UPK3B: variants seen among roughly 807,000 people sequenced by gnomAD.
UPK3B encodes uroplakin 3B, also known as uroplakin-3b.
UPK3B carries 21 observed loss-of-function variants against 27.6 expected under a neutral mutation model. The observed-to-expected ratio is 0.76, with a 90% CI of 0.54 to 1.10. The LOEUF (loss-of-function observed/expected upper bound fraction) is 1.10, where lower values mean the gene tolerates loss of function less well. UPK3B is among the 50% of genes least tolerant of loss of function. The pLI, the probability that UPK3B is intolerant of heterozygous loss-of-function variation, is 0.00. For synonymous variants in UPK3B, 141 were observed against 162.3 expected, an observed-to-expected ratio of 0.87 and a Z score of 1.00; for missense variants, 306 against 376.1, an observed-to-expected ratio of 0.81 and a Z score of 1.54.
intron 4 of UPK3B, among the ~76,000 whole-genome samples, chr7:76,513,724 AAGGT>A (rs1479531998): frequency 6.6e-6 from 1 of 151,358 alleles, no homozygotes; most frequent in Non-Finnish European, 1.5e-5. Context: ...AGCAGCCTAG[AAGGT>A]AGGAGCAGGG....
Position 76,513,205 on chromosome 7 carries a change from G to A in UPK3B, c.541+42G>A, listed in dbSNP as rs779237251. The stretch of plus-strand genomic sequence containing the variant: ...GGGGCGCTGCCCCCAGTGGACTCAC[G>A]ATCTCTCTGGGCCGCCTCTGCTGAG... On this transcript the variant is annotated intron_variant, in intron 4 of 5. Transcript: ENST00000334348. 4 of 1,579,928 alleles carry A rather than the reference G, an allele frequency of 2.5e-6. 1 individual carries two copies. The highest frequency in any genetic ancestry group is 8.7e-7 in the Non-Finnish European group (1 of 1,152,568).
At chr7:76,513,337 C>A (rs1373863791) in intron 4 of UPK3B, among the ~76,000 whole-genome samples, 174 bp downstream of exon 4, 1 of 152,158 alleles carries the variant, frequency 6.6e-6, no homozygotes, top group Non-Finnish European at 1.5e-5. Context: ...ACCCAGCCAG[C>A]CCCCTCGGCA....
chr7:76,510,719 C>A lies in UPK3B; in HGVS notation c.67C>A (p.Arg23=), dbSNP rs773328550. Residue 23 remains arginine (R), a synonymous_variant, in exon 1 of 6, where the codon CGG becomes AGG. Transcript: ENST00000334348. ...QMLLLALNCL[R]PSLSLELVPY... ...GCTCCTCCTGGCGTTGAACTGTCTC[C>A]GGCCCAGCCTGAGCCTGGGTGAGTG... 1 of 1,518,504 alleles carries A rather than the reference C, an allele frequency of 6.6e-7. No individual in the cohort carries two copies. 94.1% of individuals were successfully genotyped at this position (1,518,504 alleles called of 1,614,324 possible). A position where few individuals can be genotyped will look rare whatever the true frequency, so the allele number is the denominator to read the frequency against.
rs373691768 is a variant in UPK3B, at chr7:76,515,858, A to G, written c.*654A>G. The G allele has an allele frequency of 9.8e-6, 6 of 611,078 alleles. 2 individuals are homozygous for G. In the East Asian group the frequency reaches 5.2e-4, roughly 53 times the overall value. The allele number at this position is 611,078 out of a possible 1,614,324, so 37.9% of individuals were successfully genotyped here. The stretch of plus-strand genomic sequence containing the variant: ...TTATTAAGCATCTGCTGTATGCTAC[A>G]TACAGTGTTAGACTTGGGGCTTCAG... On this transcript the variant is annotated 3_prime_UTR_variant, in exon 6 of 6. Transcript: ENST00000334348.
In UPK3B at chr7:76,510,893, G is replaced by A. The variant is rs150340826; in HGVS notation, c.86-10G>A. ...CTCCGTGGCTCACCTTTTGTCCCCC[G>A]TGGCCACAGAGCTGGTGCCCTACAC... is the stretch of plus-strand genomic sequence containing the variant. On this transcript the variant is annotated splice_polypyrimidine_tract_variant and intron_variant, in intron 1 of 5. Transcript: ENST00000334348. 3,235 of 1,593,856 alleles carry A rather than the reference G, an allele frequency of 2.0e-3. 9 individuals carry two copies. The highest frequency in any genetic ancestry group is 2.6e-3 in the Non-Finnish European group (2,989 of 1,171,410).
chr7:76,515,597 A>G lies in UPK3B; in HGVS notation c.*393A>G. 1.5e-6 allele frequency: 1 copy of G among 652,512 alleles called. No homozygotes were observed. The highest frequency in any genetic ancestry group is 1.8e-6 in the Non-Finnish European group (1 of 556,390). 40.4% of individuals were successfully genotyped at this position (652,512 alleles called of 1,614,324 possible). ...CCTGCAGAGGACTGTGCTTTGCCTG[A>G]TGCAGGGAGCTGGGCCCATCCTGGG... On this transcript the variant is annotated 3_prime_UTR_variant, in exon 6 of 6. Transcript: ENST00000334348.
Position 76,515,150 on chromosome 7 carries a change from A to C in UPK3B, c.777A>C (p.Thr259=). The C allele has an allele frequency of 2.5e-6, 4 of 1,598,874 alleles. No homozygotes were observed. The highest frequency in any genetic ancestry group is 3.4e-6 in the Non-Finnish European group (4 of 1,173,602). Residue 259 remains threonine (T), a synonymous_variant, in exon 6 of 6, where the codon ACA becomes ACC. Coordinates refer to ENST00000334348, the MANE Select transcript of UPK3B (RefSeq NM_001347684.2). ...ACATCCCACCCAGAGAGGCCGCCAC[A>C]CTGCCGGTGGGCTGCAAGCCTGGCC... ...THHIPPREAA[T]LPVGCKPGLD...
Position 76,515,450 on chromosome 7 carries a change from A to G in UPK3B, c.*246A>G. 2.3e-6 allele frequency: 2 copies of G among 876,530 alleles called. No individual in the cohort carries two copies. Among genetic ancestry groups the G allele is most frequent in the Admixed American group, 4.9e-5 (1 of 20,256 alleles). 54.3% of individuals were successfully genotyped at this position (876,530 alleles called of 1,614,324 possible). The stretch of plus-strand genomic sequence containing the variant: ...GAGGGTTTAGGGGAGGGCCATGGGC[A>G]GGCTGGATACCCAGTCCCCACCTCC... On this transcript the variant is annotated 3_prime_UTR_variant, in exon 6 of 6. Transcript: ENST00000334348.
Position 76,511,854 on chromosome 7 carries a change from G to C in UPK3B, c.433G>C (p.Ala145Pro), listed in dbSNP as rs200200225. 6.9e-7 allele frequency: 1 copy of C among 1,450,838 alleles called. No individual in the cohort carries two copies. 89.9% of individuals were successfully genotyped at this position (1,450,838 alleles called of 1,614,324 possible). A position where few individuals can be genotyped will look rare whatever the true frequency, so the allele number is the denominator to read the frequency against. ...HGCHQQPFCN[A>P]PLPGPGPYRV... ...CTGCCACCAGCAGCCCTTCTGCAAC[G>C]CGCCCCTCCCTGGCCCTGGACCCTA... The change falls in exon 3 of 6, where the codon GCG (alanine) becomes CCG (proline). Residue 145 changes from alanine (A) to proline (P), a missense_variant. Transcript: ENST00000334348.
Position 76,515,074 on chromosome 7 carries a change from C to G in UPK3B, c.701C>G (p.Pro234Arg). The G allele has an allele frequency of 5.0e-6, 8 of 1,596,344 alleles. No homozygotes were observed. Among genetic ancestry groups the G allele is most frequent in the Non-Finnish European group, 6.8e-6 (8 of 1,172,632 alleles). ...FSSLWWPEEA[P>R]EQLRIGSFMG... Reference sequence around the variant, plus strand: ...AGCCTGTGGTGGCCGGAGGAGGCCCCGGAGCAGCTGCGGATCGGCTCCTTC... The same window carrying G: ...AGCCTGTGGTGGCCGGAGGAGGCCCGGGAGCAGCTGCGGATCGGCTCCTTC... The change falls in exon 6 of 6, where the codon CCG (proline) becomes CGG (arginine). Residue 234 changes from proline to arginine, a missense_variant. Around this residue, in one of 4 missense-constraint regions of UPK3B, gnomAD observed 174 missense variants for 166.6 expected, o/e 1.04. Coordinates refer to ENST00000334348, the MANE Select transcript of UPK3B (RefSeq NM_001347684.2).
chr7:76,512,994 C>T (rs1584273626), intron 3 of UPK3B, 90 bp from the exon 4 acceptor site: 3 of 1,075,752 alleles, frequency 2.8e-6, no homozygotes, highest in East Asian at 5.1e-5. Context: ...ATGGGAGGGC[C>T]CCAGAGGAGC....
chr7:76,514,015 A>T lies in UPK3B; in HGVS notation c.610A>T (p.Ile204Phe). ...RSGSMIVITS[I>F]LSSLAGLLLL... ...TGGCAGCATGATCGTCATTACCTCC[A>T]TCCTCTCTTCTCTGGCCGGCCTCCT... Residue 204 changes from isoleucine (I) to phenylalanine (F), a missense_variant, in exon 5 of 6, where the codon ATC becomes TTC. Transcript: ENST00000334348. 1 of 1,613,842 alleles carries T rather than the reference A, an allele frequency of 6.2e-7. No individual in the cohort carries two copies. Among genetic ancestry groups the T allele is most frequent in the Non-Finnish European group, 8.5e-7 (1 of 1,179,924 alleles).
rs3972800 is a variant in UPK3B at position 76,514,905 on chromosome 7, CAAAAAAAA to C, written c.672-128_672-121del. 5,295 of 962,946 alleles carry C rather than the reference CAAAAAAAA, an allele frequency of 5.5e-3. 10 individuals are homozygous for C. The highest frequency in any genetic ancestry group is 0.01 in the Admixed American group (323 of 30,982). 59.7% of individuals were successfully genotyped at this position (962,946 alleles called of 1,614,324 possible). A position where few individuals can be genotyped will look rare whatever the true frequency, so the allele number is the denominator to read the frequency against. On this transcript the variant is annotated intron_variant, in intron 5 of 5. Transcript: ENST00000334348. ...TGGGTGACAGAGCCAGACTCCATCT[CAAAAAAAA>C]AAAAAAAAAAAGAAAAGAGAGAGAG... is the stretch of plus-strand genomic sequence containing the variant.
At chr7:76,511,314 CAAG>C (rs1812523477) in intron 2 of UPK3B, among the ~76,000 whole-genome samples, 1 of 152,062 alleles carries the variant, frequency 6.6e-6, no homozygotes, top group Admixed American at 6.6e-5. Context: ...TCTCTGAATC[CAAG>C]TAGTTCTTCC....
In UPK3B at chr7:76,513,940, T is replaced by C; in HGVS notation, c.542-7T>C. The C allele has an allele frequency of 6.2e-7, 1 of 1,613,060 alleles. No individual in the cohort carries two copies. The highest frequency in any genetic ancestry group is 8.5e-7 in the Non-Finnish European group (1 of 1,179,630). ...GCAGCCCCTCTGAGCAGCTGGTGTG[T>C]GTGCAGGGAAGACCCCCGGATCCAT... On this transcript the variant is annotated splice_region_variant and splice_polypyrimidine_tract_variant and intron_variant, in intron 4 of 5. Coordinates refer to ENST00000334348, the MANE Select transcript of UPK3B (RefSeq NM_001347684.2).
Position 76,513,027 on chromosome 7 carries a change from A to G in UPK3B, c.462-57A>G, listed in dbSNP as rs1812588796. On this transcript the variant is annotated intron_variant, in intron 3 of 5. Transcript: ENST00000334348. ...AGCTGCCTGGGGCTTGGCCCTGCCCAGGGTGGTCCCAGCCTCTGAAGCTCT... is the reference window on the plus strand; with the variant it reads ...AGCTGCCTGGGGCTTGGCCCTGCCCGGGGTGGTCCCAGCCTCTGAAGCTCT... 5 of 1,485,652 alleles carry G rather than the reference A, an allele frequency of 3.4e-6. No homozygotes were observed. In the African/African-American group the frequency reaches 5.5e-5, roughly 16 times the overall value. The allele number at this position is 1,485,652 out of a possible 1,614,324, so 92.0% of individuals were successfully genotyped here.
rs771497466 is a variant in UPK3B at position 76,515,063 on chromosome 7, G to A, written c.690G>A (p.Pro230=). 3.5e-5 allele frequency: 55 copies of A among 1,589,560 alleles called. No homozygotes were observed. Among genetic ancestry groups the A allele is most frequent in the Middle Eastern group, 3.3e-4 (2 of 6,048 alleles). ...CGCCCAGCTCCAGCCTGTGGTGGCCGGAGGAGGCCCCGGAGCAGCTGCGGA... is the reference window on the plus strand; with the variant it reads ...CGCCCAGCTCCAGCCTGTGGTGGCCAGAGGAGGCCCCGGAGCAGCTGCGGA... ...STMRFSSLWW[P]EEAPEQLRIG... is the part of the protein sequence containing the mutation. Residue 230 remains proline, a synonymous_variant, in exon 6 of 6, where the codon CCG becomes CCA. Transcript: ENST00000334348.
intron 5 of UPK3B, among the ~76,000 whole-genome samples, chr7:76,514,383 G>T (rs1157814122): frequency 1.3e-5 from 2 of 152,048 alleles, no homozygotes; most frequent in African/African-American, 2.4e-5. Context: ...GCACCTCAGG[G>T]GTCATTGATG....
chr7:76,512,624 C>T (rs1812573628), intron 3 of UPK3B, among the ~76,000 whole-genome samples: 1 of 135,806 alleles, frequency 7.4e-6, no homozygotes, highest in African/African-American at 2.6e-5. Flanking sequence ...CCTTGCAGAG[C>T]TCCCAGCCCT....
Sources: gnomAD v4.1 joint callset for allele counts (sites outside exome capture counted in the v4.1 genomes callset) on GRCh38, gnomAD v4.1.1 for gene constraint, gnomAD v4.1.1 regional missense constraint, MANE v1.5 for transcripts, NCBI Gene and HGNC (gene_info 2026-07-23, HGNC 2026-07-21) for gene names.